ATP6V0A2: variants seen among roughly 807,000 people sequenced by gnomAD.
ATP6V0A2 encodes ATPase H+ transporting V0 subunit a2, also known as V-type proton ATPase 116 kDa subunit a 2.
ATP6V0A2 carries 58 observed loss-of-function variants against 104.4 expected under a neutral mutation model. The ratio of observed to expected loss-of-function variants is 0.56; its 90% CI spans 0.45 to 0.69. The LOEUF is 0.69. Among genes scored for constraint, ATP6V0A2 ranks in the 30% least tolerant of loss-of-function variants. The probability of loss-of-function intolerance (pLI) is 0.00; values close to 1 mark genes in which losing one functional copy is unlikely to be tolerated. For missense variants in ATP6V0A2, 938 were observed against 1,062.9 expected, an observed-to-expected ratio of 0.88 and a Z score of 1.63; for synonymous variants, 376 against 397.9, an observed-to-expected ratio of 0.95 and a Z score of 0.65.
intron 2 of ATP6V0A2, among the ~76,000 whole-genome samples, chr12:123,720,221 C>G (rs79138426): frequency 0.02 from 3,092 of 152,244 alleles, 47 homozygotes; most frequent in African/African-American, 0.034. Flanking sequence ...TAGTCCTATT[C>G]ATATTGCTTG....
At chr12:123,717,393 G>C (rs1956353657) in intron 1 of ATP6V0A2, among the ~76,000 whole-genome samples, 1 of 148,654 alleles carries the variant, frequency 6.7e-6, no homozygotes, top group South Asian at 2.1e-4. Context: ...TTATTGCTAA[G>C]TAGCATTCCA....
chr12:123,734,746 G>A (rs1377853538), intron 7 of ATP6V0A2, among the ~76,000 whole-genome samples: 1 of 152,194 alleles, frequency 6.6e-6, no homozygotes, highest in Admixed American at 6.5e-5. Flanking sequence ...CAGGGTGGAG[G>A]GGGGTTTGGG....
At chr12:123,733,765 T>C (rs2135897821) in intron 6 of ATP6V0A2, 161 bp from the exon 7 acceptor site, 4 of 654,102 alleles carry the variant, frequency 6.1e-6, no homozygotes, top group South Asian at 3.5e-5. Context: ...TTGGGGCTGT[T>C]ACTACAAGTA....
At chr12:123,715,093 A>G (rs2135874334) in intron 1 of ATP6V0A2, among the ~76,000 whole-genome samples, 1 of 152,298 alleles carries the variant, frequency 6.6e-6, no homozygotes, top group Non-Finnish European at 1.5e-5. Flanking sequence ...AAAAAAGTTA[A>G]TATATGTAAG....
At chr12:123,743,350 G>A (rs949326178) in intron 9 of ATP6V0A2, among the ~76,000 whole-genome samples, 3 of 152,178 alleles carry the variant, frequency 2.0e-5, no homozygotes, top group Non-Finnish European at 4.4e-5. Flanking sequence ...CACACACACA[G>A]CGTTGCCAAA....
At chr12:123,745,639 A>G (rs928809370) in intron 13 of ATP6V0A2, among the ~76,000 whole-genome samples, 2 of 151,688 alleles carry the variant, frequency 1.3e-5, no homozygotes, top group African/African-American at 2.4e-5. Flanking sequence ...CCAGGAGGCG[A>G]AGCTTGCAGT....
chr12:123,739,896 TTTTAG>T (rs1483712197), intron 9 of ATP6V0A2, among the ~76,000 whole-genome samples: 2 of 152,242 alleles, frequency 1.3e-5, no homozygotes, highest in Admixed American at 6.5e-5. Context: ...TCATGTGGTT[TTTTAG>T]TTTAGTTTTT....
intron 18 of ATP6V0A2, among the ~76,000 whole-genome samples, chr12:123,755,363 C>T (rs1278126810): frequency 6.6e-6 from 1 of 151,946 alleles, no homozygotes; most frequent in Non-Finnish European, 1.5e-5. Context: ...CATGGCAAAA[C>T]CATCTCTACT....
intron 17 of ATP6V0A2, among the ~76,000 whole-genome samples, chr12:123,753,467 C>T (rs1326758272): frequency 1.3e-5 from 2 of 152,226 alleles, no homozygotes; most frequent in East Asian, 1.9e-4. Flanking sequence ...CTTGCTGTGT[C>T]GGCACAGGGC....
In ATP6V0A2 at chr12:123,758,142, T is replaced by C; in HGVS notation, c.*110T>C. The C allele has an allele frequency of 1.4e-6, 1 of 740,682 alleles. No individual in the cohort carries two copies. The highest frequency in any genetic ancestry group is 2.2e-5 in the Admixed American group (1 of 45,660). 45.9% of individuals were successfully genotyped at this position (740,682 alleles called of 1,614,324 possible). A position where few individuals can be genotyped will look rare whatever the true frequency, so the allele number is the denominator to read the frequency against. On this transcript the variant is annotated 3_prime_UTR_variant, in exon 20 of 20. Coordinates refer to ENST00000330342, the MANE Select transcript of ATP6V0A2 (RefSeq NM_012463.4). ...AAAAATTCCATCTTCATTACTGCCTTATGACATAGCCAAATAATTCTGTAA... is the reference window on the plus strand; with the variant it reads ...AAAAATTCCATCTTCATTACTGCCTCATGACATAGCCAAATAATTCTGTAA...
chr12:123,717,747 A>AT (rs1437766250), intron 1 of ATP6V0A2, among the ~76,000 whole-genome samples: 1 of 151,814 alleles, frequency 6.6e-6, no homozygotes, highest in Non-Finnish European at 1.5e-5. Context: ...CCTGGCTATA[A>AT]TTTCTTTAAC....
intron 18 of ATP6V0A2, among the ~76,000 whole-genome samples, chr12:123,755,115 T>G (rs1417571533): frequency 1.3e-5 from 2 of 152,210 alleles, no homozygotes; most frequent in Non-Finnish European, 2.9e-5. Context: ...CAGGTGCATT[T>G]ACCAGCCTAC....
At chr12:123,730,277 G>T (rs866731026) in intron 6 of ATP6V0A2, among the ~76,000 whole-genome samples, 9 of 151,666 alleles carry the variant, frequency 5.9e-5, no homozygotes, top group Admixed American at 2.0e-4. Context: ...GGATGGTCTC[G>T]ATCTCCTGAC....
At chr12:123,717,185 C>G (rs975899018) in intron 1 of ATP6V0A2, among the ~76,000 whole-genome samples, 15 of 151,784 alleles carry the variant, frequency 9.9e-5, no homozygotes, top group African/African-American at 3.4e-4. Flanking sequence ...GGTGGTGGCA[C>G]TTGGCTGTAA....
chr12:123,739,615 T>G lies in ATP6V0A2; in HGVS notation c.1038+2344T>G, dbSNP rs557428055. On this transcript the variant is annotated intron_variant, in intron 9 of 19. Transcript: ENST00000330342. ...ATCCCAGTTCTTGGGTTCACTTGGC[T>G]GCCTGAAGCTCTCTAGTCACTTGGC... is the stretch of plus-strand genomic sequence containing the variant. 5.9e-5 allele frequency among the ~76,000 whole-genome samples: 9 copies of G among 152,326 alleles called. No individual in the cohort carries two copies. The East Asian group carries it at 1.7e-3, about 29-fold the overall frequency.
At position 123,718,612 on chromosome 12, in the gene ATP6V0A2, C is replaced by T; in HGVS notation, c.118-11C>T. On this transcript the variant is annotated splice_polypyrimidine_tract_variant and intron_variant, in intron 1 of 19. Coordinates refer to ENST00000330342, the MANE Select transcript of ATP6V0A2 (RefSeq NM_012463.4). ...TAGAAATTTAAACCATATTTTTCAT[C>T]CTTTTCTCAGCTCAACCAGAACGTA... 1.2e-6 allele frequency: 2 copies of T among 1,601,844 alleles called. No homozygotes were observed. The highest frequency in any genetic ancestry group is 1.1e-5 in the South Asian group (1 of 90,104).
At chr12:123,756,518 C>G (rs1174218019) in intron 18 of ATP6V0A2, 1 of 355,532 alleles carries the variant, frequency 2.8e-6, no homozygotes, top group Non-Finnish European at 5.2e-6. Context: ...CTGTTTCTGG[C>G]TGCCTGGTCC....
rs181061917 is a variant in ATP6V0A2 at position 123,756,544 on chromosome 12, G to A, written c.2294-271G>A. The A allele has an allele frequency of 1.9e-3, 873 of 466,344 alleles. 2 individuals carry two copies. Among genetic ancestry groups the A allele is most frequent in the Non-Finnish European group, 2.9e-3 (738 of 258,240 alleles). The allele number at this position is 466,344 out of a possible 1,614,324, so 28.9% of individuals were successfully genotyped here. The stretch of plus-strand genomic sequence containing the variant: ...TGCCTGGTCCAGTGCGCTTTGGGAG[G>A]TCACAACCCAAACCTAGTCTGGGGC... On this transcript the variant is annotated intron_variant, in intron 18 of 19. Coordinates refer to ENST00000330342, the MANE Select transcript of ATP6V0A2 (RefSeq NM_012463.4).
rs773253639 is a variant in ATP6V0A2, at chr12:123,756,969, C to A, written c.2448C>A (p.His816Gln). Reference protein sequence around the residue: ...LIMEGLSAFLHAIRLHWVEFQ... With the variant: ...LIMEGLSAFLQAIRLHWVEFQ... The stretch of plus-strand genomic sequence containing the variant: ...TGGAAGGGCTTTCTGCGTTTCTTCA[C>A]GCCATACGCCTCCACTGGTGAGTTT... The change falls in exon 19 of 20, where the codon CAC becomes CAA. Residue 816 changes from histidine to glutamine, a missense_variant. By Grantham distance (24) the His-to-Gln change is conservative. Coordinates refer to ENST00000330342, the MANE Select transcript of ATP6V0A2 (RefSeq NM_012463.4). 1.2e-6 allele frequency: 2 copies of A among 1,614,216 alleles called. No individual in the cohort carries two copies. Among genetic ancestry groups the A allele is most frequent in the Non-Finnish European group, 1.7e-6 (2 of 1,180,048 alleles).
Sources: allele counts gnomAD v4.1 joint callset (sites outside exome capture counted in the v4.1 genomes callset), GRCh38; gene constraint gnomAD v4.1.1; transcripts MANE v1.5; gene names NCBI Gene and HGNC (gene_info 2026-07-23, HGNC 2026-07-21).